HMG20A: variants seen among roughly 807,000 people sequenced by gnomAD.
HMG20A encodes the protein high mobility group 20A.
In HMG20A, 17 loss-of-function variants were observed where a neutral mutation model predicts 43.9. That is an observed-to-expected ratio of 0.39 (90% CI 0.27 to 0.58). HMG20A has a LOEUF of 0.58. Ranked by LOEUF, HMG20A falls within the 20% of genes least tolerant of loss-of-function variation. The pLI is 0.59. For synonymous variants in HMG20A, 132 were observed against 147.5 expected (o/e 0.89, Z 0.76); for missense variants, 341 against 438.2 (o/e 0.78, Z 1.98).
chr15:77,448,786 T>G (rs1255248742), intron 1 of HMG20A, among the ~76,000 whole-genome samples: 1 of 152,020 alleles, frequency 6.6e-6, no homozygotes, highest in African/African-American at 2.4e-5. Flanking sequence ...ACCAACATTT[T>G]AAAAATCAAT....
At chr15:77,511,106 T>C in the HMG20A span, among the ~76,000 whole-genome samples, 1 of 152,050 alleles carries the variant, frequency 6.6e-6, no homozygotes, top group African/African-American at 2.4e-5. Context: ...AATACATAAA[T>C]ATAGCGCGAA....
At chr15:77,505,432 GCAAGGTCGTGTAGGGA>G in the HMG20A span, among the ~76,000 whole-genome samples, 1 of 152,164 alleles carries the variant, frequency 6.6e-6, no homozygotes, top group Non-Finnish European at 1.5e-5. Context: ...CAAGACCCTG[GCAAGGTCGTGTAGGGA>G]CAGCATGCTG....
chr15:77,460,785 AG>A (rs2072697787), intron 2 of HMG20A, among the ~76,000 whole-genome samples: 1 of 152,158 alleles, frequency 6.6e-6, no homozygotes, highest in Non-Finnish European at 1.5e-5. Flanking sequence ...CAGGAGTTCA[AG>A]ACCAGCCTGG....
At chr15:77,498,424 G>A in the HMG20A span, among the ~76,000 whole-genome samples, 1 of 152,158 alleles carries the variant, frequency 6.6e-6, no homozygotes, top group Non-Finnish European at 1.5e-5. Flanking sequence ...TGGGGCCTGT[G>A]CAGTAATTTT....
At chr15:77,504,637 G>A in the HMG20A span, among the ~76,000 whole-genome samples, 1 of 152,180 alleles carries the variant, frequency 6.6e-6, no homozygotes, top group Non-Finnish European at 1.5e-5. Flanking sequence ...AGCAGTCCTG[G>A]GGTGGAAGGA....
the HMG20A span, among the ~76,000 whole-genome samples, chr15:77,493,174 T>G: frequency 2.6e-5 from 4 of 152,166 alleles, no homozygotes; most frequent in East Asian, 7.7e-4. Context: ...TAAGTAGATG[T>G]GATGTTGCCA....
At chr15:77,476,091 T>A (rs540385112) in intron 6 of HMG20A, among the ~76,000 whole-genome samples, 52 of 152,218 alleles carry the variant, frequency 3.4e-4, no homozygotes, top group African/African-American at 1.2e-3. Flanking sequence ...GCCACCGTTA[T>A]GAATACAGGA....
chr15:77,498,169 A>C, the HMG20A span, among the ~76,000 whole-genome samples: 1 of 152,208 alleles, frequency 6.6e-6, no homozygotes, highest in Non-Finnish European at 1.5e-5. Context: ...AGCATGCAGC[A>C]CACAGCCCTT....
downstream of HMG20A, among the ~76,000 whole-genome samples, chr15:77,488,681 G>A (rs1053835427): frequency 1.2e-4 from 18 of 152,160 alleles, no homozygotes; most frequent in Admixed American, 1.2e-3. Context: ...AGAACATTTG[G>A]ATTAATTGTA....
At chr15:77,444,670 A>G (rs1342027285) in intron 1 of HMG20A, among the ~76,000 whole-genome samples, 1 of 152,218 alleles carries the variant, frequency 6.6e-6, no homozygotes. Context: ...CAAAGGAGAA[A>G]TGTTCCTAGG....
intron 9 of HMG20A, among the ~76,000 whole-genome samples, chr15:77,479,968 C>G (rs1054467036): frequency 6.6e-6 from 1 of 152,118 alleles, no homozygotes; most frequent in African/African-American, 2.4e-5. Context: ...ACCATACAAA[C>G]AGGTAACTCC....
intron 1 of HMG20A, 26 bp from the exon 2 acceptor site, chr15:77,458,378 T>G: frequency 1.3e-6 from 2 of 1,501,028 alleles, no homozygotes; most frequent in Non-Finnish European, 1.8e-6. Flanking sequence ...AGCCATTAAT[T>G]TTTTTTTATT....
chr15:77,426,134 T>G (rs2073425164), intron 1 of HMG20A, among the ~76,000 whole-genome samples: 1 of 152,174 alleles, frequency 6.6e-6, no homozygotes, highest in Non-Finnish European at 1.5e-5. Context: ...TGGAGTTTCC[T>G]TTGGAAGTGA....
intron 1 of HMG20A, among the ~76,000 whole-genome samples, chr15:77,456,879 C>T (rs149203592): frequency 2.6e-4 from 40 of 152,288 alleles, no homozygotes; most frequent in African/African-American, 8.9e-4. Flanking sequence ...TTCAGTAAAA[C>T]ATGTGGAATG....
At chr15:77,477,940 G>A (rs2072871043) in intron 7 of HMG20A, among the ~76,000 whole-genome samples, 1 of 152,182 alleles carries the variant, frequency 6.6e-6, no homozygotes, top group African/African-American at 2.4e-5. Flanking sequence ...TGGTAAAGAT[G>A]GGTACCTACA....
chr15:77,499,660 G>C, the HMG20A span, among the ~76,000 whole-genome samples: 1 of 152,002 alleles, frequency 6.6e-6, no homozygotes, highest in East Asian at 1.9e-4. Context: ...CCATTGTTTT[G>C]TTTTTCCTCT....
At chr15:77,456,681 A>C (rs1199183124) in intron 1 of HMG20A, among the ~76,000 whole-genome samples, 2 of 150,790 alleles carry the variant, frequency 1.3e-5, no homozygotes, top group African/African-American at 2.4e-5. Context: ...TCCCTAAGGT[A>C]TATACCTGGC....
At chr15:77,467,689 A>G (rs1416470862) in intron 4 of HMG20A, among the ~76,000 whole-genome samples, 1 of 152,228 alleles carries the variant, frequency 6.6e-6, no homozygotes, top group Non-Finnish European at 1.5e-5. Flanking sequence ...CAGTTCACAT[A>G]AGATTTTTAA....
At chr15:77,496,837 G>A in the HMG20A span, among the ~76,000 whole-genome samples, 3 of 152,222 alleles carry the variant, frequency 2.0e-5, no homozygotes, top group African/African-American at 7.2e-5. Context: ...TAGAAGTAAT[G>A]AGAAAGTGGA....
Sources: gnomAD v4.1 joint callset for allele counts (sites outside exome capture counted in the v4.1 genomes callset) on GRCh38, gnomAD v4.1.1 for gene constraint, MANE v1.5 for transcripts, NCBI Gene and HGNC (gene_info 2026-07-23, HGNC 2026-07-21) for gene names.